The following MGAT5 variants were observed in gnomAD, a reference collection of about 807,000 sequenced individuals.
MGAT5 encodes the protein alpha-1,6-mannosylglycoprotein 6-beta-N-acetylglucosaminyltransferase, also known as alpha-1,6-mannosylglycoprotein 6-beta-N-acetylglucosaminyltransferase A.
Under a neutral mutation model 94.3 loss-of-function variants are expected in MGAT5, and 30 were observed. The ratio of observed to expected loss-of-function variants is 0.32; its 90% CI spans 0.24 to 0.43. The LOEUF is 0.43. Ranked by LOEUF, MGAT5 falls within the 20% of genes least tolerant of loss-of-function variation. MGAT5 has a pLI of 1.00. For synonymous variants in MGAT5, 310 were observed against 322.9 expected (o/e 0.96, Z 0.43); for missense variants, 691 against 905.5 (o/e 0.76, Z 3.04).
chr2:134,255,748 A>C (rs542798092), intron 1 of MGAT5, among the ~76,000 whole-genome samples: 122 of 152,214 alleles, frequency 8.0e-4, no homozygotes, highest in African/African-American at 2.9e-3. Flanking sequence ...GAGGTGGAGA[A>C]AGTGGAGTTG....
At chr2:134,291,964 G>T (rs1192570610) in intron 2 of MGAT5, among the ~76,000 whole-genome samples, 3 of 152,092 alleles carry the variant, frequency 2.0e-5, no homozygotes, top group African/African-American at 7.2e-5. Context: ...TCTAGAAGGT[G>T]TCCGTCTCAG....
intron 2 of MGAT5, among the ~76,000 whole-genome samples, chr2:134,281,921 G>A (rs1237052091): frequency 6.6e-6 from 1 of 152,228 alleles, no homozygotes; most frequent in Admixed American, 6.5e-5. Flanking sequence ...GTTGGGTCGA[G>A]GCAAGGAGAA....
In MGAT5 at chr2:134,131,572, ATTTTTTTT is replaced by A. The variant is rs10617178; in HGVS notation, c.-143+11303_-143+11310del. On this transcript the variant is annotated intron_variant, in intron 1 of 16. Coordinates refer to the MGAT5 transcript ENST00000409645. ...ATAAATATTTGCCTGTGGTAGATTGATTTTTTTTTTTTTTTTTTTTTTTTTTTTTACTA... is the reference window on the plus strand; with the variant it reads ...ATAAATATTTGCCTGTGGTAGATTGATTTTTTTTTTTTTTTTTTTTTACTA... Among the ~76,000 whole-genome samples, 612 of 85,256 alleles carry A rather than the reference ATTTTTTTT, an allele frequency of 7.2e-3. 6 individuals carry two copies. The highest frequency in any genetic ancestry group is 0.015 in the African/African-American group (371 of 24,348). 55.9% of individuals were successfully genotyped at this position (85,256 alleles called of 152,430 possible).
chr2:134,403,887 G>T (rs1396991687), intron 11 of MGAT5, among the ~76,000 whole-genome samples: 15 of 152,222 alleles, frequency 9.9e-5, no homozygotes, highest in Admixed American at 9.8e-4. Context: ...AGCCCTTGAG[G>T]ATCATTTTGC....
chr2:134,413,155 G>A (rs1683767836), intron 12 of MGAT5, 140 bp downstream of exon 12: 1 of 932,226 alleles, frequency 1.1e-6, no homozygotes, highest in Middle Eastern at 2.5e-4. Flanking sequence ...CAAATGACCT[G>A]ATCACATCAC....
chr2:134,318,784 G>T, intron 4 of MGAT5, 45 bp downstream of exon 4: 3 of 1,368,374 alleles, frequency 2.2e-6, no homozygotes, highest in Non-Finnish European at 3.1e-6. Context: ...TGACTGGTTG[G>T]ACTGTTCTGT....
At chr2:134,414,344 A>T (rs539411066) in intron 12 of MGAT5, among the ~76,000 whole-genome samples, 14 of 152,290 alleles carry the variant, frequency 9.2e-5, no homozygotes, top group South Asian at 2.1e-4. Context: ...CCGTGAACCT[A>T]TTCTTTTGAA....
At position 134,450,831 on chromosome 2, in the gene MGAT5, TATGA is replaced by T. The variant is rs1390167771; in HGVS notation, c.*1985_*1988del. The T allele has an allele frequency of 8.1e-6, 1 of 123,006 alleles. No individual in the cohort carries two copies. Among genetic ancestry groups the T allele is most frequent in the African/African-American group, 3.2e-5 (1 of 30,952 alleles). The allele number at this position is 123,006 out of a possible 1,614,324, so 7.6% of individuals were successfully genotyped here. A position where few individuals can be genotyped will look rare whatever the true frequency, so the allele number is the denominator to read the frequency against. ...GTGTGTGTGTGTGTGTGTGTGTGTGTATGAGCCTGTGCATTTCTTTTAAGCAAGG... is the reference window on the plus strand; with the variant it reads ...GTGTGTGTGTGTGTGTGTGTGTGTGTGCCTGTGCATTTCTTTTAAGCAAGG... On this transcript the variant is annotated 3_prime_UTR_variant, in exon 16 of 16. Transcript: ENST00000281923.
intron 2 of MGAT5, among the ~76,000 whole-genome samples, chr2:134,272,369 G>GTT (rs10654780): frequency 0.18 from 27,123 of 149,010 alleles, 4,103 homozygotes; most frequent in African/African-American, 0.41. Context: ...GTTGTGTTTT[G>GTT]TTTTTTTTTT....
intron 3 of MGAT5, among the ~76,000 whole-genome samples, chr2:134,318,309 G>T (rs528936865): frequency 1.3e-5 from 2 of 152,074 alleles, no homozygotes; most frequent in Non-Finnish European, 1.5e-5. Flanking sequence ...GTTCCTGGAG[G>T]GGGTGTAGAT....
chr2:134,304,141 C>T (rs939155159), intron 2 of MGAT5, among the ~76,000 whole-genome samples: 3 of 152,168 alleles, frequency 2.0e-5, no homozygotes, highest in East Asian at 1.9e-4. Flanking sequence ...AGTTTAGCAG[C>T]GTGCTCTGGG....
chr2:134,262,968 A>G (rs1183582932), intron 1 of MGAT5, among the ~76,000 whole-genome samples: 1 of 152,178 alleles, frequency 6.6e-6, no homozygotes, highest in East Asian at 1.9e-4. Context: ...TGTTCAAAAG[A>G]TACAGTTTTC....
chr2:134,251,595 C>G (rs1682601437), upstream of MGAT5, among the ~76,000 whole-genome samples: 1 of 152,124 alleles, frequency 6.6e-6, no homozygotes, highest in Admixed American at 6.5e-5. Context: ...GTTTTTAACT[C>G]ATAATACTCC....
chr2:134,140,705 G>T (rs745691571), intron 1 of MGAT5, among the ~76,000 whole-genome samples: 1 of 152,200 alleles, frequency 6.6e-6, no homozygotes, highest in Non-Finnish European at 1.5e-5. Context: ...GTACCAGGCA[G>T]TGTTCTGGAT....
intron 9 of MGAT5, among the ~76,000 whole-genome samples, chr2:134,351,349 A>G (rs1184718720): frequency 6.6e-6 from 1 of 152,170 alleles, no homozygotes; most frequent in Non-Finnish European, 1.5e-5. Context: ...GAATAGCCTA[A>G]GAAGTGACCT....
intron 9 of MGAT5, among the ~76,000 whole-genome samples, chr2:134,353,130 T>C (rs956537392): frequency 6.6e-6 from 1 of 152,222 alleles, no homozygotes; most frequent in African/African-American, 2.4e-5. Flanking sequence ...ACAGTGTGAA[T>C]ATACTTAACA....
chr2:134,390,204 T>C (rs1292022014), intron 10 of MGAT5, among the ~76,000 whole-genome samples: 2 of 152,246 alleles, frequency 1.3e-5, no homozygotes, highest in African/African-American at 4.8e-5. Context: ...ATTCCTATTT[T>C]TTTGTGCATC....
chr2:134,403,054 A>C lies in MGAT5; in HGVS notation c.1447A>C (p.Ser483Arg), dbSNP rs368286355. 1 of 1,612,986 alleles carries C rather than the reference A, an allele frequency of 6.2e-7. No homozygotes were observed. Among genetic ancestry groups the C allele is most frequent in the Non-Finnish European group, 8.5e-7 (1 of 1,179,808 alleles). The change falls in exon 11 of 16, where the codon AGC (serine) becomes CGC (arginine). Residue 483 changes from serine to arginine, a missense_variant. Coordinates refer to ENST00000281923, the MANE Select transcript of MGAT5 (RefSeq NM_002410.5). The stretch of plus-strand genomic sequence containing the variant: ...AGTGCATGCAACTGTTTATGGCTCC[A>C]GCACAAAGAATATTCCCAGTTACGT... Reference protein sequence around the residue: ...MEVHATVYGSSTKNIPSYVKN... With the variant: ...MEVHATVYGSRTKNIPSYVKN...
At chr2:134,340,609 A>G (rs1368607558) in intron 6 of MGAT5, among the ~76,000 whole-genome samples, 1 of 152,206 alleles carries the variant, frequency 6.6e-6, no homozygotes, top group Non-Finnish European at 1.5e-5. Context: ...GAAAGAATCA[A>G]GTATTTACCA....
Sources: gnomAD v4.1 joint callset for allele counts (sites outside exome capture counted in the v4.1 genomes callset) on GRCh38, gnomAD v4.1.1 for gene constraint, MANE v1.5 for transcripts, NCBI Gene and HGNC (gene_info 2026-07-23, HGNC 2026-07-21) for gene names.